AREL1: variants seen among roughly 807,000 people sequenced by gnomAD.
AREL1 encodes apoptosis-resistant E3 ubiquitin protein ligase 1.
A neutral mutation model predicts 99.0 loss-of-function variants in AREL1; 62 were observed. The observed-to-expected ratio is 0.63, with a 90% CI of 0.51 to 0.77. The LOEUF (loss-of-function observed/expected upper bound fraction) is 0.77, where lower values mean the gene tolerates loss of function less well. AREL1 is among the 30% of genes least tolerant of loss of function. The pLI, the probability that AREL1 is intolerant of heterozygous loss-of-function variation, is 0.00. For synonymous variants in AREL1, 380 were observed against 376.5 expected (o/e 1.01, Z -0.11); for missense variants, 879 against 1,027.6 (o/e 0.86, Z 1.98).
intron 1 of AREL1, among the ~76,000 whole-genome samples, chr14:74,706,432 T>A (rs2090181057): frequency 6.6e-6 from 1 of 152,176 alleles, no homozygotes; most frequent in Non-Finnish European, 1.5e-5. Context: ...TTAAGGAAAA[T>A]AAATTATTTA....
Position 74,670,552 on chromosome 14 carries a change from T to A in AREL1, c.1608+210A>T, listed in dbSNP as rs577118603. ...ATACTATAATGTTTTTAGTCAAATA[T>A]TCAGCTGCCTGCATTTTTGCTTATT... On this transcript the variant is annotated intron_variant, in intron 13 of 19. Coordinates refer to ENST00000356357, the MANE Select transcript of AREL1 (RefSeq NM_001039479.2). 26 of 537,482 alleles carry A rather than the reference T, an allele frequency of 4.8e-5. No individual in the cohort carries two copies. The East Asian group carries it at 5.4e-4, about 11-fold the overall frequency. 33.3% of individuals were successfully genotyped at this position (537,482 alleles called of 1,614,324 possible).
intron 1 of AREL1, among the ~76,000 whole-genome samples, chr14:74,712,504 T>C (rs1485391311): frequency 6.6e-6 from 1 of 152,196 alleles, no homozygotes; most frequent in East Asian, 1.9e-4. Context: ...AAATTCTCCC[T>C]TTTTACTTAA....
intron 13 of AREL1, 53 bp from the exon 14 acceptor site, chr14:74,670,179 T>C: frequency 1.3e-6 from 2 of 1,515,172 alleles, no homozygotes; most frequent in Non-Finnish European, 1.8e-6. Flanking sequence ...CAAGCCCAGT[T>C]CTGGAAGGAC....
intron 1 of AREL1, among the ~76,000 whole-genome samples, chr14:74,711,233 C>T (rs2140003684): frequency 9.1e-6 from 1 of 109,756 alleles, no homozygotes; most frequent in Admixed American, 9.9e-5. Context: ...CTAACTCCGT[C>T]TCAAAAAAAA....
rs1345854522 is a variant in AREL1 at position 74,664,834 on chromosome 14, A to AC, written c.2193+1dup. ...CAACTGAAAGAAGTTTGGTCCATTT[A>AC]CCTTTTCTCTGAAATGCCATGAGCC... On this transcript the variant is annotated splice_donor_variant, in intron 18 of 19. Coordinates refer to ENST00000356357, the MANE Select transcript of AREL1 (RefSeq NM_001039479.2). LOFTEE classifies it high-confidence loss of function. 1 of 1,612,712 alleles carries AC rather than the reference A, an allele frequency of 6.2e-7. No homozygotes were observed.
Position 74,672,934 on chromosome 14 carries a change from T to G in AREL1, c.1319A>C (p.Gln440Pro). The stretch of plus-strand genomic sequence containing the variant: ...TCGCTGGAAAAAGTTCACCTTGTCC[T>G]GAAAGGTCTCAGAGCCTCCTGGGGA... ...HKNIGGSETF[Q>P]DKVNFFQREL... The change falls in exon 11 of 20, where the codon CAG becomes CCG. Residue 440 changes from glutamine to proline, a missense_variant. Gln to Pro is a moderately conservative substitution (Grantham distance 76, BLOSUM62 -1). Transcript: ENST00000356357. 6.2e-7 allele frequency: 1 copy of G among 1,614,184 alleles called. No homozygotes were observed. Among genetic ancestry groups the G allele is most frequent in the Non-Finnish European group, 8.5e-7 (1 of 1,180,018 alleles).
intron 4 of AREL1, among the ~76,000 whole-genome samples, chr14:74,683,778 C>T (rs1048198306): frequency 6.6e-6 from 1 of 152,182 alleles, no homozygotes; most frequent in African/African-American, 2.4e-5. Flanking sequence ...GTAGAATTTA[C>T]CACTAAATCA....
chr14:74,687,720 T>C (rs980307056), intron 2 of AREL1, among the ~76,000 whole-genome samples: 1 of 152,186 alleles, frequency 6.6e-6, no homozygotes, highest in Non-Finnish European at 1.5e-5. Context: ...CAGCCTACAG[T>C]AGTGCCTGGC....
At chr14:74,665,819 C>G (rs1270943604) in intron 17 of AREL1, among the ~76,000 whole-genome samples, 1 of 152,192 alleles carries the variant, frequency 6.6e-6, no homozygotes, top group East Asian at 1.9e-4. Flanking sequence ...TAACCAGAGA[C>G]AAGAAGAGCC....
At chr14:74,669,068 TA>T (rs1403341668) in intron 15 of AREL1, among the ~76,000 whole-genome samples, 3 of 152,152 alleles carry the variant, frequency 2.0e-5, no homozygotes, top group Non-Finnish European at 4.4e-5. Context: ...GCTAGATTTT[TA>T]AAATCTAAAA....
Position 74,667,484 on chromosome 14 carries a change from C to T in AREL1, c.2025G>A (p.Glu675=), listed in dbSNP as rs1304595889. Residue 675 remains glutamate, a synonymous_variant, in exon 16 of 20, where the codon GAG becomes GAA. Transcript: ENST00000356357. ...TCCCACCTTTTAGGAAATGTTCCACCTCCTCTTTCACTTGACTGGCCAGCC... is the reference window on the plus strand; with the variant it reads ...TCCCACCTTTTAGGAAATGTTCCACTTCCTCTTTCACTTGACTGGCCAGCC... ...QYRLASQVKE[E]VEHFLKGLNE... is the part of the protein sequence containing the mutation. 6.2e-6 allele frequency: 10 copies of T among 1,613,362 alleles called. No homozygotes were observed. The highest frequency in any genetic ancestry group is 1.7e-5 in the Admixed American group (1 of 59,938).
intron 15 of AREL1, among the ~76,000 whole-genome samples, chr14:74,667,987 T>C (rs192149459): frequency 2.0e-5 from 3 of 152,350 alleles, no homozygotes; most frequent in Admixed American, 2.0e-4. Flanking sequence ...GGAAGTCTTT[T>C]TATGTCTCAG....
chr14:74,707,592 G>A (rs1050248006), intron 1 of AREL1, among the ~76,000 whole-genome samples: 11 of 152,018 alleles, frequency 7.2e-5, no homozygotes, highest in African/African-American at 9.7e-5. Flanking sequence ...TCAGGAGATC[G>A]AGACCTTCCT....
chr14:74,689,190 T>TCTTA (rs1362074646), intron 2 of AREL1, among the ~76,000 whole-genome samples: 1 of 152,000 alleles, frequency 6.6e-6, no homozygotes, highest in African/African-American at 2.4e-5. Context: ...TTATTCCAGA[T>TCTTA]CTTACCTCTG....
chr14:74,671,151 C>T (rs2089329379), intron 12 of AREL1, among the ~76,000 whole-genome samples: 1 of 152,056 alleles, frequency 6.6e-6, no homozygotes, highest in African/African-American at 2.4e-5. Flanking sequence ...ACGGTTCAAA[C>T]ACTTAGAACT....
chr14:74,704,531 G>A lies in AREL1; in HGVS notation c.-334+8402C>T, dbSNP rs536476412. Among the ~76,000 whole-genome samples, 20 of 152,178 alleles carry A rather than the reference G, an allele frequency of 1.3e-4. No individual in the cohort carries two copies. The South Asian group carries it at 2.7e-3, about 21-fold the overall frequency. ...AGGCAATCAGATATGCATCTATCTCGGTAGGCAGGGGATGACTCTGAACAG... is the reference window on the plus strand; with the variant it reads ...AGGCAATCAGATATGCATCTATCTCAGTAGGCAGGGGATGACTCTGAACAG... On this transcript the variant is annotated intron_variant, in intron 1 of 19. Coordinates refer to ENST00000356357, the MANE Select transcript of AREL1 (RefSeq NM_001039479.2).
At position 74,683,379 on chromosome 14, in the gene AREL1, C is replaced by A. The variant is rs769088691; in HGVS notation, c.398G>T (p.Arg133Leu). 6.2e-7 allele frequency: 1 copy of A among 1,614,130 alleles called. No homozygotes were observed. The highest frequency in any genetic ancestry group is 8.5e-7 in the Non-Finnish European group (1 of 1,180,026). ...TGTGATTTCATAACGCCCAGCCTTG[C>A]GCACAGTGAAGGCCACTTTTACTAC... The part of the protein sequence containing the change: ...SNVVKVAFTV[R>L]KAGRYEITVK... Residue 133 changes from arginine to leucine, a missense_variant, in exon 5 of 20, where the codon CGC becomes CTC. Arg to Leu is a moderately radical substitution (Grantham distance 102). Transcript: ENST00000356357.
intron 5 of AREL1, among the ~76,000 whole-genome samples, chr14:74,680,937 C>G (rs1040636593): frequency 2.0e-5 from 3 of 152,124 alleles, no homozygotes; most frequent in African/African-American, 7.2e-5. Flanking sequence ...AATCCCAGCA[C>G]CTTGGGAGGC....
chr14:74,687,856 G>T (rs1216746978), intron 2 of AREL1, among the ~76,000 whole-genome samples: 2 of 151,980 alleles, frequency 1.3e-5, no homozygotes, highest in Non-Finnish European at 2.9e-5. Flanking sequence ...TTTCTTCAAA[G>T]AGAAATGCAT....
Sources: allele counts gnomAD v4.1 joint callset (sites outside exome capture counted in the v4.1 genomes callset), GRCh38; gene constraint gnomAD v4.1.1; transcripts MANE v1.5; gene names NCBI Gene and HGNC (gene_info 2026-07-23, HGNC 2026-07-21).